The following ALPK1 variants were observed in gnomAD, a reference collection of about 807,000 sequenced individuals.
ALPK1 encodes the protein alpha-protein kinase 1.
In ALPK1, 110 loss-of-function variants were observed where a neutral mutation model predicts 120.6. The observed-to-expected ratio is 0.91, with a 90% CI of 0.78 to 1.07. The LOEUF (loss-of-function observed/expected upper bound fraction) is 1.07, where lower values mean the gene tolerates loss of function less well. Ranked by LOEUF, ALPK1 falls within the 50% of genes least tolerant of loss-of-function variation. The probability of loss-of-function intolerance (pLI) is 0.00; values close to 1 mark genes in which losing one functional copy is unlikely to be tolerated. For missense variants in ALPK1, 1,498 were observed against 1,483.9 expected, an observed-to-expected ratio of 1.01 and a Z score of -0.16; for synonymous variants, 582 against 560.3, an observed-to-expected ratio of 1.04 and a Z score of -0.55.
At chr4:112,357,991 G>C (rs1227089377) in intron 2 of ALPK1, 3 of 675,754 alleles carry the variant, frequency 4.4e-6, no homozygotes, top group Non-Finnish European at 5.5e-6. Flanking sequence ...CGGTATGCCG[G>C]GGAAACACTA....
chr4:112,422,272 G>A (rs1178041858), intron 5 of ALPK1, among the ~76,000 whole-genome samples: 2 of 152,270 alleles, frequency 1.3e-5, no homozygotes, highest in South Asian at 2.1e-4. Flanking sequence ...CTGCAGAAAG[G>A]GAAACTGGGG....
At chr4:112,383,399 A>G (rs1164985194) in intron 4 of ALPK1, 3 of 152,096 alleles carry the variant, frequency 2.0e-5, no homozygotes, top group Non-Finnish European at 4.4e-5. Flanking sequence ...TTTTTGAGTC[A>G]TCCCAAAATA....
At chr4:112,440,766 C>A (rs1448359182) in intron 14 of ALPK1, 151 bp from the exon 15 acceptor site, 44 of 1,290,012 alleles carry the variant, frequency 3.4e-5, no homozygotes, top group Non-Finnish European at 4.2e-5. Context: ...CAGGAATTTA[C>A]TAACTATAAA....
intron 5 of ALPK1, among the ~76,000 whole-genome samples, chr4:112,413,585 ATTTTTGTAT>A (rs1323308486): frequency 2.6e-5 from 4 of 151,988 alleles, no homozygotes; most frequent in African/African-American, 4.8e-5. Context: ...CACCCAGCTA[ATTTTTGTAT>A]TTTTTGTAAA....
intron 5 of ALPK1, among the ~76,000 whole-genome samples, chr4:112,416,944 C>T (rs1364581782): frequency 6.7e-6 from 1 of 149,266 alleles, no homozygotes; most frequent in African/African-American, 2.5e-5. Context: ...TATAGAAAAT[C>T]ATACAATAAG....
chr4:112,371,815 C>T (rs772493698), intron 2 of ALPK1, among the ~76,000 whole-genome samples: 17 of 152,218 alleles, frequency 1.1e-4, no homozygotes, highest in Non-Finnish European at 1.8e-4. Context: ...TACATAAAAA[C>T]GATATGTAAG....
intron 2 of ALPK1, among the ~76,000 whole-genome samples, chr4:112,325,528 T>A (rs1403826146): frequency 6.6e-6 from 1 of 152,252 alleles, no homozygotes; most frequent in Non-Finnish European, 1.5e-5. Context: ...AAGTCCAGAC[T>A]GGTGAGTAGA....
chr4:112,377,614 T>C, intron 2 of ALPK1, 64 bp from the exon 3 acceptor site: 1 of 630,306 alleles, frequency 1.6e-6, no homozygotes, highest in African/African-American at 1.9e-5. Flanking sequence ...CCCTCCCTGC[T>C]TGAGTCTCAC....
chr4:112,391,865 T>A (rs968828936), intron 4 of ALPK1, among the ~76,000 whole-genome samples: 7 of 152,164 alleles, frequency 4.6e-5, no homozygotes, highest in Admixed American at 1.3e-4. Context: ...CAAGTGCATA[T>A]GTGTAAGACA....
intron 2 of ALPK1, among the ~76,000 whole-genome samples, chr4:112,333,140 T>C (rs1344151797): frequency 1.3e-5 from 2 of 152,230 alleles, no homozygotes; most frequent in East Asian, 3.8e-4. Context: ...GTACTGCCCA[T>C]GTATTAAAGC....
intron 11 of ALPK1, 25 bp from the exon 12 acceptor site, chr4:112,435,123 T>A: frequency 1.3e-6 from 2 of 1,597,042 alleles, no homozygotes; most frequent in Non-Finnish European, 1.7e-6. Flanking sequence ...AAAATAAGAT[T>A]CATTTTCATC....
At chr4:112,299,646 T>C (rs6533603) in intron 1 of ALPK1, among the ~76,000 whole-genome samples, 93,662 of 152,082 alleles carry the variant, frequency 0.62, 30,934 homozygotes, top group African/African-American at 0.86. Context: ...TATCTTTGAA[T>C]TTTACTGGGC....
At chr4:112,343,421 A>C (rs2240034) in intron 2 of ALPK1, 79,405 of 152,028 alleles carry the variant, frequency 0.52, 21,224 homozygotes, top group East Asian at 0.76. Context: ...CTTTGTGACT[A>C]GTGAATGCAC....
chr4:112,308,819 G>T (rs1011326350), intron 1 of ALPK1, among the ~76,000 whole-genome samples: 4 of 152,050 alleles, frequency 2.6e-5, no homozygotes. Context: ...AGGGGGAGGG[G>T]CGCTCTGATT....
chr4:112,357,706 G>C, intron 2 of ALPK1: 3 of 1,563,460 alleles, frequency 1.9e-6, no homozygotes, highest in Non-Finnish European at 2.6e-6. Flanking sequence ...CTCCGCGTTT[G>C]ACAGACGGTT....
chr4:112,312,368 G>A (rs1358091550), intron 1 of ALPK1, among the ~76,000 whole-genome samples: 1 of 152,012 alleles, frequency 6.6e-6, no homozygotes, highest in African/African-American at 2.4e-5. Flanking sequence ...CCGCCTCCCG[G>A]GTCACGTCAT....
chr4:112,375,747 A>ATTT (rs369871364), intron 2 of ALPK1, among the ~76,000 whole-genome samples: 2 of 142,754 alleles, frequency 1.4e-5, no homozygotes, highest in Admixed American at 7.0e-5. Context: ...TCTTCAAGAA[A>ATTT]TTTTTTTTTT....
At chr4:112,369,822 A>G (rs992088944) in intron 2 of ALPK1, among the ~76,000 whole-genome samples, 6 of 152,234 alleles carry the variant, frequency 3.9e-5, no homozygotes, top group African/African-American at 1.4e-4. Flanking sequence ...GAGCTTGCAG[A>G]GTACAATTGT....
Position 112,441,506 on chromosome 4 carries a change from G to T in ALPK1, c.*296G>T. 2.5e-6 allele frequency: 1 copy of T among 405,164 alleles called. No homozygotes were observed. Among genetic ancestry groups the T allele is most frequent in the Non-Finnish European group, 4.4e-6 (1 of 225,654 alleles). 25.1% of individuals were successfully genotyped at this position (405,164 alleles called of 1,614,324 possible). On this transcript the variant is annotated 3_prime_UTR_variant, in exon 16 of 16. Coordinates refer to ENST00000650871, the MANE Select transcript of ALPK1 (RefSeq NM_025144.4). ...TGTTGTTTAAGCCATTGAGATTTTA[G>T]AGCTTTTTGTCACTATCTGTCAAGA... is the stretch of plus-strand genomic sequence containing the variant.
Sources: allele counts gnomAD v4.1 joint callset (sites outside exome capture counted in the v4.1 genomes callset), GRCh38; gene constraint gnomAD v4.1.1; transcripts MANE v1.5; gene names NCBI Gene and HGNC (gene_info 2026-07-23, HGNC 2026-07-21).